Variants in CLOCK observed in about 807,000 individuals in gnomAD.
CLOCK encodes the protein circadian locomoter output cycles protein kaput.
A neutral mutation model predicts 118.4 loss-of-function variants in CLOCK; 43 were observed. That is an observed-to-expected ratio of 0.36 (90% CI 0.28 to 0.47). CLOCK has a LOEUF of 0.47. CLOCK is among the 20% of genes least tolerant of loss of function. The pLI, the probability that CLOCK is intolerant of heterozygous loss-of-function variation, is 1.00. For synonymous variants in CLOCK, 326 were observed against 339.2 expected (o/e 0.96, Z 0.43); for missense variants, 846 against 999.9 (o/e 0.85, Z 2.08).
intron 7 of CLOCK, among the ~76,000 whole-genome samples, chr4:55,473,013 G>A (rs953736609): frequency 2.2e-4 from 34 of 152,052 alleles, no homozygotes; most frequent in African/African-American, 7.2e-4. Flanking sequence ...ATCACCTGAG[G>A]CTGAGTTTGA....
At chr4:55,488,830 G>C (rs532744663) in intron 3 of CLOCK, among the ~76,000 whole-genome samples, 2 of 152,016 alleles carry the variant, frequency 1.3e-5, no homozygotes, top group Non-Finnish European at 2.9e-5. Context: ...CAACCTCCTA[G>C]GCTCAAGTCC....
chr4:55,526,682 C>T (rs1021656210), intron 1 of CLOCK, among the ~76,000 whole-genome samples: 3 of 152,052 alleles, frequency 2.0e-5, no homozygotes, highest in Non-Finnish European at 4.4e-5. Flanking sequence ...GGCACGGTGG[C>T]TCACGCCTGT....
chr4:55,450,949 C>T (rs180807130), intron 15 of CLOCK, among the ~76,000 whole-genome samples: 4 of 152,056 alleles, frequency 2.6e-5, no homozygotes, highest in African/African-American at 9.6e-5. Flanking sequence ...TAGTTTCATA[C>T]AGCGACACTA....
intron 1 of CLOCK, among the ~76,000 whole-genome samples, chr4:55,517,665 C>T (rs1366321798): frequency 2.0e-5 from 3 of 152,064 alleles, no homozygotes; most frequent in African/African-American, 7.2e-5. Flanking sequence ...TGAAATGTTC[C>T]CTTCTCTTCT....
At chr4:55,459,534 AG>A (rs1725173872) in intron 9 of CLOCK, among the ~76,000 whole-genome samples, 1 of 152,208 alleles carries the variant, frequency 6.6e-6, no homozygotes, top group South Asian at 2.1e-4. Context: ...TCACTTTCAA[AG>A]GAAAGTTTTG....
chr4:55,479,738 C>G, intron 4 of CLOCK, 39 bp from the exon 5 acceptor site: 1 of 1,498,390 alleles, frequency 6.7e-7, no homozygotes. Context: ...AGCAGACTCA[C>G]TAAGCAACAG....
At position 55,546,785 on chromosome 4, in the gene CLOCK, G is replaced by A. The variant is rs1283895369; in HGVS notation, c.-293C>T. The A allele has an allele frequency of 6.6e-6, 1 of 151,958 alleles. No homozygotes were observed. The highest frequency in any genetic ancestry group is 1.9e-4 in the East Asian group (1 of 5,138). The allele number at this position is 151,958 out of a possible 1,614,324, so 9.4% of individuals were successfully genotyped here. On this transcript the variant is annotated 5_prime_UTR_variant, in exon 1 of 23. Transcript: ENST00000513440. ...CCACCGGGCGGGCGCCTCTCACCGG[G>A]AGCGCTCGCGGCGGCGGCGGCCAGA...
chr4:55,471,468 G>GA (rs2109858365), intron 7 of CLOCK, among the ~76,000 whole-genome samples: 1 of 152,236 alleles, frequency 6.6e-6, no homozygotes, highest in Non-Finnish European at 1.5e-5. Context: ...ATTCAGTTAG[G>GA]AAAATCATAG....
intron 1 of CLOCK, among the ~76,000 whole-genome samples, chr4:55,535,739 C>CT (rs758384802): frequency 0.016 from 2,026 of 124,086 alleles, 92 homozygotes; most frequent in African/African-American, 0.044. Context: ...ATGGGAGAAT[C>CT]TTTTTTTTTT....
intron 1 of CLOCK, among the ~76,000 whole-genome samples, chr4:55,514,597 T>G (rs934981448): frequency 1.3e-5 from 2 of 150,574 alleles, no homozygotes; most frequent in Non-Finnish European, 3.0e-5. Context: ...AGTTACAGAG[T>G]TTTTTTTTAA....
At chr4:55,499,692 A>T (rs746448395) in intron 2 of CLOCK, among the ~76,000 whole-genome samples, 4 of 152,226 alleles carry the variant, frequency 2.6e-5, no homozygotes, top group African/African-American at 4.8e-5. Flanking sequence ...CAAAGCGTTC[A>T]CAATGCTGCT....
chr4:55,513,094 C>A (rs565499481), intron 1 of CLOCK, among the ~76,000 whole-genome samples: 1 of 152,256 alleles, frequency 6.6e-6, no homozygotes, highest in East Asian at 1.9e-4. Flanking sequence ...TAAGCCTTCA[C>A]ATTCAATCAT....
At chr4:55,530,248 GA>G (rs1412588129) in intron 1 of CLOCK, among the ~76,000 whole-genome samples, 1 of 152,122 alleles carries the variant, frequency 6.6e-6, no homozygotes, top group East Asian at 1.9e-4. Context: ...GTGAGCGAGG[GA>G]AAGGATCATT....
At chr4:55,542,607 C>G (rs1010925480) in intron 1 of CLOCK, among the ~76,000 whole-genome samples, 3 of 151,726 alleles carry the variant, frequency 2.0e-5, no homozygotes, top group African/African-American at 7.3e-5. Flanking sequence ...TATTAGAGAA[C>G]CAGAGGGATG....
chr4:55,482,835 T>A lies in CLOCK; in HGVS notation c.-43-7A>T. On this transcript the variant is annotated splice_region_variant and splice_polypyrimidine_tract_variant and intron_variant, in intron 3 of 22. Transcript: ENST00000513440. ...GTAGACATTTGTACTTCTCCTTAGG[T>A]GAAAAGAAAAATAAATGGTCATTAG... The A allele has an allele frequency of 7.4e-7, 1 of 1,354,408 alleles. No individual in the cohort carries two copies. The highest frequency in any genetic ancestry group is 1.0e-6 in the Non-Finnish European group (1 of 959,120). 83.9% of individuals were successfully genotyped at this position (1,354,408 alleles called of 1,614,324 possible). A position where few individuals can be genotyped will look rare whatever the true frequency, so the allele number is the denominator to read the frequency against.
At chr4:55,516,325 A>T (rs181914485) in intron 1 of CLOCK, among the ~76,000 whole-genome samples, 4 of 152,312 alleles carry the variant, frequency 2.6e-5, no homozygotes, top group Admixed American at 2.6e-4. Context: ...AGAGCAGATT[A>T]ATCTGTTTCT....
intron 1 of CLOCK, among the ~76,000 whole-genome samples, chr4:55,538,347 T>C (rs1731042640): frequency 1.3e-5 from 2 of 152,096 alleles, no homozygotes; most frequent in African/African-American, 4.8e-5. Context: ...AAGACAAGCA[T>C]TTAAATAACT....
At chr4:55,449,570 T>C in intron 16 of CLOCK, 74 bp from the exon 17 acceptor site, 1 of 1,264,338 alleles carries the variant, frequency 7.9e-7, no homozygotes, top group Admixed American at 1.7e-5. Flanking sequence ...TCAAAATGTA[T>C]TTCAGTTAAT....
intron 1 of CLOCK, among the ~76,000 whole-genome samples, chr4:55,530,942 G>A (rs1730503740): frequency 6.6e-6 from 1 of 152,024 alleles, no homozygotes; most frequent in African/African-American, 2.4e-5. Context: ...GACTGAAGCA[G>A]GAAGTAGGAG....
Sources: gnomAD v4.1 joint callset for allele counts (sites outside exome capture counted in the v4.1 genomes callset) on GRCh38, gnomAD v4.1.1 for gene constraint, MANE v1.5 for transcripts, NCBI Gene and HGNC (gene_info 2026-07-23, HGNC 2026-07-21) for gene names.